The following FLT3 variants were observed in gnomAD, a reference collection of about 807,000 sequenced individuals.
FLT3 encodes the protein fms related receptor tyrosine kinase 3.
In FLT3, 46 loss-of-function variants were observed where a neutral mutation model predicts 126.6. That is an observed-to-expected ratio of 0.36 (90% CI 0.29 to 0.46). The LOEUF is 0.46. FLT3 is among the 20% of genes least tolerant of loss of function. The probability of loss-of-function intolerance (pLI) is 1.00; values close to 1 mark genes in which losing one functional copy is unlikely to be tolerated. For synonymous variants in FLT3, 404 were observed against 434.4 expected, an observed-to-expected ratio of 0.93 and a Z score of 0.87; for missense variants, 1,069 against 1,190.3, an observed-to-expected ratio of 0.90 and a Z score of 1.50.
Position 28,100,078 on chromosome 13 carries a change from C to G in FLT3, c.43+390G>C, listed in dbSNP as rs1178877528. Among the ~76,000 whole-genome samples, 1 of 152,142 alleles carries G rather than the reference C, an allele frequency of 6.6e-6. No homozygotes were observed. The highest frequency in any genetic ancestry group is 1.5e-5 in the Non-Finnish European group (1 of 68,016). On this transcript the variant is annotated intron_variant, in intron 1 of 23. Transcript: ENST00000241453. The surrounding 1 kb of genome is among the most constrained non-coding windows in gnomAD (Gnocchi z 4.8). ...TCCAAGGGCCGGGCCAGGAGAGGTC[C>G]TTGGCCACCTGGCGCCGAGTTCGCG...
chr13:28,043,850 G>A (rs560041825), intron 9 of FLT3, among the ~76,000 whole-genome samples: 7 of 152,098 alleles, frequency 4.6e-5, no homozygotes, highest in East Asian at 1.9e-4. Context: ...GGTGGTTCAC[G>A]GCTGTAATCC....
intron 1 of FLT3, among the ~76,000 whole-genome samples, chr13:28,079,736 A>C (rs182926273): frequency 6.6e-6 from 1 of 152,286 alleles, no homozygotes; most frequent in Admixed American, 6.5e-5. Context: ...ATTCACTAGC[A>C]CAAGGATAGC....
intron 1 of FLT3, among the ~76,000 whole-genome samples, chr13:28,098,282 T>A (rs966781787): frequency 2.4e-5 from 3 of 127,602 alleles, no homozygotes; most frequent in Admixed American, 1.0e-4. Context: ...GCCACTACAC[T>A]CCAGCCTGGG....
intron 18 of FLT3, 142 bp from the exon 19 acceptor site, chr13:28,023,619 A>C: frequency 2.2e-6 from 2 of 894,830 alleles, no homozygotes; most frequent in Non-Finnish European, 3.4e-6. Context: ...GCAGCATTAG[A>C]GATGACCTGT....
chr13:28,097,854 AT>A (rs1179701841), intron 1 of FLT3, among the ~76,000 whole-genome samples: 9 of 152,202 alleles, frequency 5.9e-5, no homozygotes, highest in African/African-American at 1.9e-4. Context: ...TTGAATACGA[AT>A]TTTTTTTAAC....
At chr13:28,028,129 A>G (rs761451687) in intron 16 of FLT3, 49 bp downstream of exon 16, 1 of 870,648 alleles carries the variant, frequency 1.1e-6, no homozygotes, top group Middle Eastern at 2.2e-4. Flanking sequence ...CCTCTTTGTC[A>G]TCAAGCTACA....
intron 10 of FLT3, 122 bp downstream of exon 10, chr13:28,037,063 C>G (rs1319350956): frequency 3.2e-6 from 2 of 627,384 alleles, no homozygotes; most frequent in African/African-American, 3.7e-5. Context: ...CAAAACACTT[C>G]AGCGTACAAA....
chr13:28,100,328 G>T lies in FLT3; in HGVS notation c.43+140C>A. The stretch of plus-strand genomic sequence containing the variant: ...AGTCCGGAGGGCGCGAAAGAGGGGA[G>T]GGGCGCGGGAGGCAATGGAAGGAGC... On this transcript the variant is annotated intron_variant, in intron 1 of 23. Transcript: ENST00000241453. This position sits in a 1 kb window ranked among gnomAD's most constrained non-coding sequence, Gnocchi z 4.8. 1 of 508,498 alleles carries T rather than the reference G, an allele frequency of 2.0e-6. No homozygotes were observed. The highest frequency in any genetic ancestry group is 4.0e-5 in the East Asian group (1 of 24,802). The allele number at this position is 508,498 out of a possible 1,614,324, so 31.5% of individuals were successfully genotyped here. A position where few individuals can be genotyped will look rare whatever the true frequency, so the allele number is the denominator to read the frequency against.
At chr13:28,064,558 T>G (rs1263622697) in intron 2 of FLT3, among the ~76,000 whole-genome samples, 1 of 150,966 alleles carries the variant, frequency 6.6e-6, no homozygotes, top group Non-Finnish European at 1.5e-5. Context: ...GGCGACAGAG[T>G]GAGACTCCAT....
At chr13:28,028,142 CTT>C (rs771093551) in intron 16 of FLT3, 34 bp downstream of exon 16, 4 of 955,520 alleles carry the variant, frequency 4.2e-6, no homozygotes, top group Non-Finnish European at 6.9e-6. Flanking sequence ...AAGCTACAGT[CTT>C]TTTGATGAGG....
At chr13:28,005,818 T>C (rs1870835319) in intron 23 of FLT3, among the ~76,000 whole-genome samples, 1 of 152,334 alleles carries the variant, frequency 6.6e-6, no homozygotes, top group East Asian at 1.9e-4. Flanking sequence ...GCCTCCCACA[T>C]CTCTTCTCTT....
chr13:28,072,704 T>C (rs1024643363), intron 1 of FLT3, among the ~76,000 whole-genome samples: 1 of 151,890 alleles, frequency 6.6e-6, no homozygotes, highest in East Asian at 1.9e-4. Flanking sequence ...CCAAGATCTA[T>C]TCTCTTAACA....
At chr13:28,031,416 G>A (rs539183168) in intron 15 of FLT3, among the ~76,000 whole-genome samples, 51 of 152,212 alleles carry the variant, frequency 3.4e-4, no homozygotes, top group Non-Finnish European at 5.6e-4. Context: ...TGAGGGTTGT[G>A]AAAGAGTGGG....
chr13:28,062,728 A>C, intron 2 of FLT3, among the ~76,000 whole-genome samples: 1 of 127,494 alleles, frequency 7.8e-6, no homozygotes, highest in Non-Finnish European at 1.7e-5. Flanking sequence ...TGGGCAACAG[A>C]GTGAAACTCT....
chr13:28,046,658 G>A (rs796757973), intron 9 of FLT3, among the ~76,000 whole-genome samples: 31 of 152,038 alleles, frequency 2.0e-4, no homozygotes, highest in African/African-American at 6.8e-4. Context: ...GTGCGGTGAC[G>A]TGATCATGGC....
chr13:28,048,548 T>G, intron 8 of FLT3, 105 bp from the exon 9 acceptor site: 2 of 801,260 alleles, frequency 2.5e-6, no homozygotes, highest in Admixed American at 5.3e-5. Context: ...ACAGGAAAAC[T>G]CAAGTGTTGG....
chr13:28,018,853 T>A (rs1316358415), intron 19 of FLT3, among the ~76,000 whole-genome samples: 2 of 152,196 alleles, frequency 1.3e-5, no homozygotes, highest in Non-Finnish European at 2.9e-5. Flanking sequence ...CTTTTGCAGA[T>A]TCCGAGCAAA....
intron 3 of FLT3, 84 bp downstream of exon 3, chr13:28,061,783 G>C: frequency 9.4e-7 from 1 of 1,065,898 alleles, no homozygotes; most frequent in Admixed American, 2.1e-5. Context: ...AAAAAAAAAA[G>C]GTTTACAATA....
intron 1 of FLT3, among the ~76,000 whole-genome samples, chr13:28,080,712 A>T (rs1878255036): frequency 6.6e-6 from 1 of 152,214 alleles, no homozygotes. Flanking sequence ...CTTTGTATCT[A>T]AAAAATCTTC....
Sources: allele counts gnomAD v4.1 joint callset (sites outside exome capture counted in the v4.1 genomes callset), GRCh38; gene constraint gnomAD v4.1.1; non-coding constraint Gnocchi (gnomAD v3.1); transcripts MANE v1.5; gene names NCBI Gene and HGNC (gene_info 2026-07-23, HGNC 2026-07-21).